PCDH17: variants seen among roughly 807,000 people sequenced by gnomAD.
PCDH17 encodes protocadherin 17, also known as protocadherin-17.
In PCDH17, 21 loss-of-function variants were observed where a neutral mutation model predicts 67.7. The observed-to-expected ratio is 0.31, with a 90% CI of 0.22 to 0.45. The LOEUF (loss-of-function observed/expected upper bound fraction) is 0.45. Among genes scored for constraint, PCDH17 ranks in the 20% least tolerant of loss-of-function variants. PCDH17 has a pLI of 1.00. For missense variants in PCDH17, 1,471 were observed against 1,564.8 expected (o/e 0.94, Z 1.01); for synonymous variants, 701 against 656.7 (o/e 1.07, Z -1.03).
intron 3 of PCDH17, among the ~76,000 whole-genome samples, chr13:57,706,741 T>G (rs1232866986): frequency 6.6e-6 from 1 of 152,080 alleles, no homozygotes; most frequent in Non-Finnish European, 1.5e-5. Context: ...TATAGATCCT[T>G]CCTCAGTAAC....
intron 1 of PCDH17, among the ~76,000 whole-genome samples, chr13:57,642,551 T>C (rs1156249110): frequency 2.0e-5 from 3 of 151,742 alleles, no homozygotes; most frequent in African/African-American, 4.8e-5. Flanking sequence ...TTTAGATATA[T>C]TTCATTCAGC....
At chr13:57,669,453 T>C (rs1566229090) in intron 3 of PCDH17, among the ~76,000 whole-genome samples, 4 of 151,918 alleles carry the variant, frequency 2.6e-5, no homozygotes, top group Admixed American at 1.3e-4. Context: ...TATTTCTTTG[T>C]CTACTTCTCA....
Position 57,728,948 on chromosome 13 carries a change from G to T in PCDH17, c.*3654G>T, listed in dbSNP as rs1176082451. On this transcript the variant is annotated 3_prime_UTR_variant, in exon 4 of 4. Coordinates refer to ENST00000377918, the MANE Select transcript of PCDH17 (RefSeq NM_001040429.3). Reference sequence around the variant, plus strand: ...GTTACTGAGGTCAACAGATAGACAGGTCTGGCATAATATATGCCCAGTCAT... The same window carrying T: ...GTTACTGAGGTCAACAGATAGACAGTTCTGGCATAATATATGCCCAGTCAT... The T allele has an allele frequency of 2.0e-5, 3 of 152,318 alleles. No homozygotes were observed. Among genetic ancestry groups the T allele is most frequent in the East Asian group, 3.8e-4 (2 of 5,196 alleles). 9.4% of individuals were successfully genotyped at this position (152,318 alleles called of 1,614,324 possible). A position where few individuals can be genotyped will look rare whatever the true frequency, so the allele number is the denominator to read the frequency against.
intron 3 of PCDH17, among the ~76,000 whole-genome samples, chr13:57,721,606 A>C (rs1347902105): frequency 6.6e-6 from 1 of 152,114 alleles, no homozygotes; most frequent in Non-Finnish European, 1.5e-5. Context: ...TAGAAGGTAC[A>C]CGTGTCAGAA....
intron 3 of PCDH17, among the ~76,000 whole-genome samples, chr13:57,700,134 TAGAGATACATAA>T (rs1466110852): frequency 6.6e-6 from 1 of 152,070 alleles, no homozygotes; most frequent in Non-Finnish European, 1.5e-5. Context: ...AAGAAAAATA[TAGAGATACATAA>T]AGTGTGGGAA....
At chr13:57,665,210 T>C (rs1322261121) in intron 1 of PCDH17, among the ~76,000 whole-genome samples, 1 of 152,002 alleles carries the variant, frequency 6.6e-6, no homozygotes, top group African/African-American at 2.4e-5. Flanking sequence ...CAATGACACA[T>C]ATTACTTTAA....
At chr13:57,676,463 A>G (rs1955392284) in intron 3 of PCDH17, among the ~76,000 whole-genome samples, 1 of 151,892 alleles carries the variant, frequency 6.6e-6, no homozygotes, top group South Asian at 2.1e-4. Flanking sequence ...AGGCACCCGT[A>G]TGGAAGTATC....
intron 3 of PCDH17, among the ~76,000 whole-genome samples, chr13:57,676,727 G>A (rs186253871): frequency 3.9e-5 from 6 of 151,932 alleles, no homozygotes; most frequent in Non-Finnish European, 8.8e-5. Flanking sequence ...AAAATCTAGA[G>A]ACCCCTAGAT....
intron 1 of PCDH17, among the ~76,000 whole-genome samples, chr13:57,651,090 C>T: frequency 6.6e-6 from 1 of 151,994 alleles, no homozygotes; most frequent in East Asian, 1.9e-4. Flanking sequence ...GATTGTGAAC[C>T]TATATCTCTT....
In PCDH17 at chr13:57,632,529, C is replaced by T; in HGVS notation, c.-18C>T. The T allele has an allele frequency of 6.2e-7, 1 of 1,608,140 alleles. No individual in the cohort carries two copies. Among genetic ancestry groups the T allele is most frequent in the Non-Finnish European group, 8.5e-7 (1 of 1,177,020 alleles). ...TCCTCCAGTCCGATTGCTCCTGCCCCCACCTTACAGGTCTGGGATGTACCT... is the reference window on the plus strand; with the variant it reads ...TCCTCCAGTCCGATTGCTCCTGCCCTCACCTTACAGGTCTGGGATGTACCT... On this transcript the variant is annotated 5_prime_UTR_variant, in exon 1 of 4. Transcript: ENST00000377918.
At chr13:57,716,952 C>G (rs553115197) in intron 3 of PCDH17, among the ~76,000 whole-genome samples, 6 of 152,090 alleles carry the variant, frequency 3.9e-5, no homozygotes, top group East Asian at 1.9e-4. Flanking sequence ...CTACACACAT[C>G]TAATGTGCCC....
At chr13:57,722,675 G>A (rs572700681) in intron 3 of PCDH17, among the ~76,000 whole-genome samples, 123 of 152,268 alleles carry the variant, frequency 8.1e-4, no homozygotes, top group Non-Finnish European at 1.5e-3. Flanking sequence ...CAGTGAAATG[G>A]CATGATTACA....
rs1955919952 is a variant in PCDH17 at position 57,726,868 on chromosome 13, A to C, written c.*1574A>C. The C allele has an allele frequency of 6.6e-6, 1 of 152,470 alleles. No homozygotes were observed. Among genetic ancestry groups the C allele is most frequent in the African/African-American group, 2.4e-5 (1 of 41,444 alleles). 9.4% of individuals were successfully genotyped at this position (152,470 alleles called of 1,614,324 possible). ...GAAAACATGAAAAATGCTTTAATGC[A>C]TGTATGTACCAGCAGTGGTTACTTG... On this transcript the variant is annotated 3_prime_UTR_variant, in exon 4 of 4. Coordinates refer to ENST00000377918, the MANE Select transcript of PCDH17 (RefSeq NM_001040429.3).
In PCDH17 at chr13:57,633,431, C is replaced by T. The variant is rs934316882; in HGVS notation, c.885C>T (p.Ser295=). 7 of 1,613,444 alleles carry T rather than the reference C, an allele frequency of 4.3e-6. No individual in the cohort carries two copies. The African/African-American group carries it at 5.3e-5, about 12-fold the overall frequency. The change falls in exon 1 of 4, where the codon TCC becomes TCT. Residue 295 remains serine, a synonymous_variant. Coordinates refer to ENST00000377918, the MANE Select transcript of PCDH17 (RefSeq NM_001040429.3). The surrounding 1 kb of genome is among the most constrained non-coding windows in gnomAD (Gnocchi z 6.2). ...CTGACCGCGTGCGGGAGCTCTTCTCCATCGACCCCAAGACCGGCCTAATCC... is the reference window on the plus strand; with the variant it reads ...CTGACCGCGTGCGGGAGCTCTTCTCTATCGACCCCAAGACCGGCCTAATCC... ...YVPDRVRELF[S]IDPKTGLIRV...
Position 57,634,992 on chromosome 13 carries a change from C to G in PCDH17, c.2446C>G (p.Leu816Val). The G allele has an allele frequency of 6.2e-7, 1 of 1,613,828 alleles. No individual in the cohort carries two copies. Among genetic ancestry groups the G allele is most frequent in the Non-Finnish European group, 8.5e-7 (1 of 1,180,000 alleles). Reference sequence around the variant, plus strand: ...CTCGCCCCGGTCGGAGGTGATGTATCTCAAACCGGCCTCCAACAACCTGAC... The same window carrying G: ...CTCGCCCCGGTCGGAGGTGATGTATGTCAAACCGGCCTCCAACAACCTGAC... The part of the protein sequence containing the change: ...LSSPRSEVMY[L>V]KPASNNLTVP... Residue 816 changes from leucine to valine, a missense_variant, in exon 1 of 4, where the codon CTC (leucine) becomes GTC (valine). Physicochemically the swap from Leu to Val is conservative, Grantham distance 32. Transcript: ENST00000377918. The surrounding 1 kb of genome is among the most constrained non-coding windows in gnomAD (Gnocchi z 7.8).
At chr13:57,678,284 G>A (rs1955414346) in intron 3 of PCDH17, among the ~76,000 whole-genome samples, 1 of 151,496 alleles carries the variant, frequency 6.6e-6, no homozygotes, top group African/African-American at 2.4e-5. Context: ...AGCAAGTAAT[G>A]GAGAGGGAGC....
chr13:57,698,237 A>G (rs1215864053), intron 3 of PCDH17, among the ~76,000 whole-genome samples: 1 of 151,532 alleles, frequency 6.6e-6, no homozygotes, highest in Non-Finnish European at 1.5e-5. Flanking sequence ...AGATATATAC[A>G]TATAGATATA....
chr13:57,701,220 C>G (rs1030210419), intron 3 of PCDH17, among the ~76,000 whole-genome samples: 8 of 152,124 alleles, frequency 5.3e-5, no homozygotes, highest in Non-Finnish European at 1.2e-4. Flanking sequence ...CATTATCTTT[C>G]ACAGTTTATC....
chr13:57,650,514 C>T (rs941070505), intron 1 of PCDH17, among the ~76,000 whole-genome samples: 1 of 152,028 alleles, frequency 6.6e-6, no homozygotes, highest in African/African-American at 2.4e-5. Context: ...CTGGGAAAAA[C>T]AACAACTATT....
Sources: gnomAD v4.1 joint callset for allele counts (sites outside exome capture counted in the v4.1 genomes callset) on GRCh38, gnomAD v4.1.1 for gene constraint, Gnocchi (gnomAD v3.1) non-coding constraint, MANE v1.5 for transcripts, NCBI Gene and HGNC (gene_info 2026-07-23, HGNC 2026-07-21) for gene names.